THAP4: variants seen among roughly 807,000 people sequenced by gnomAD.
THAP4 encodes the protein peroxynitrite isomerase THAP4.
Under a neutral mutation model 48.1 loss-of-function variants are expected in THAP4, and 18 were observed. The ratio of observed to expected loss-of-function variants is 0.37; its 90% confidence interval spans 0.26 to 0.56. The LOEUF (loss-of-function observed/expected upper bound fraction) is 0.56, where lower values mean the gene tolerates loss of function less well. Among genes scored for constraint, THAP4 ranks in the 20% least tolerant of loss-of-function variants. The pLI is 0.78. For missense variants in THAP4, 656 were observed against 774.9 expected, an observed-to-expected ratio of 0.85 and a Z score of 1.82; for synonymous variants, 345 against 324.9, an observed-to-expected ratio of 1.06 and a Z score of -0.66.
chr2:241,597,987 A>C (rs1416258199), intron 5 of THAP4, among the ~76,000 whole-genome samples: 2 of 152,146 alleles, frequency 1.3e-5, no homozygotes, highest in Non-Finnish European at 2.9e-5. Flanking sequence ...ACAAAAAAAA[A>C]AAAACAAAAA....
chr2:241,624,032 G>A (rs2067466075), intron 2 of THAP4, among the ~76,000 whole-genome samples: 1 of 152,148 alleles, frequency 6.6e-6, no homozygotes, highest in African/African-American at 2.4e-5. Flanking sequence ...GAGGACGATG[G>A]CAAGTAGTGG....
chr2:241,637,422 G>C (rs2067695482), upstream of THAP4: 1 of 1,461,186 alleles, frequency 6.8e-7, no homozygotes, highest in Admixed American at 2.2e-5. Context: ...AACTGCTCCT[G>C]GGTCCTCTAA....
chr2:241,617,909 C>T (rs962203485), intron 2 of THAP4, among the ~76,000 whole-genome samples: 4 of 152,176 alleles, frequency 2.6e-5, no homozygotes, highest in Admixed American at 6.5e-5. Flanking sequence ...TCCTGGCAAG[C>T]GGCCCGGGAA....
chr2:241,584,781 A>G (rs570395506), intron 5 of THAP4, 56 bp from the exon 6 acceptor site: 17 of 1,609,158 alleles, frequency 1.1e-5, no homozygotes, highest in Non-Finnish European at 1.4e-5. Context: ...AGATTCAATC[A>G]ATGCCTGTGC....
intron 2 of THAP4, among the ~76,000 whole-genome samples, chr2:241,627,012 C>G (rs2067502344): frequency 6.6e-6 from 1 of 152,204 alleles, no homozygotes; most frequent in South Asian, 2.1e-4. Context: ...TCTCCAAACT[C>G]TTCAGCTTCC....
At chr2:241,611,981 C>A (rs758115855) in intron 2 of THAP4, among the ~76,000 whole-genome samples, 2 of 152,112 alleles carry the variant, frequency 1.3e-5, no homozygotes, top group East Asian at 1.9e-4. Flanking sequence ...CGGTTCACTG[C>A]GGCCTAGACC....
At position 241,633,639 on chromosome 2, in the gene THAP4, C is replaced by T. The variant is rs775668991; in HGVS notation, c.518G>A (p.Arg173Gln). The change falls in exon 2 of 6, where the codon CGG becomes CAG. Residue 173 changes from arginine to glutamine, a missense_variant. Around this residue, in one of 4 missense-constraint regions of THAP4, gnomAD observed 391 missense variants for 412.4 expected, o/e 0.95. Transcript: ENST00000407315. The surrounding 1 kb of genome is among the most constrained non-coding windows in gnomAD (Gnocchi z 7.5). ...SQEQAQQALE[R>Q]TPGDGLATMV... ...GGTGGCCAGTCCATCTCCTGGAGTC[C>T]GTTCCAGAGCTTGCTGGGCCTGCTC... 5.6e-5 allele frequency: 90 copies of T among 1,612,634 alleles called. No individual in the cohort carries two copies. Among genetic ancestry groups the T allele is most frequent in the Admixed American group, 1.5e-4 (9 of 59,994 alleles).
intron 3 of THAP4, 25 bp downstream of exon 3, chr2:241,606,289 G>T: frequency 6.5e-7 from 1 of 1,538,378 alleles, no homozygotes; most frequent in Non-Finnish European, 8.8e-7. Context: ...AGTCAAGCAG[G>T]GTGGGGTGGA....
chr2:241,595,793 G>A (rs1306463020), intron 5 of THAP4, among the ~76,000 whole-genome samples: 1 of 152,172 alleles, frequency 6.6e-6, no homozygotes, highest in Admixed American at 6.5e-5. Flanking sequence ...CCAGCAGAGG[G>A]TGACATGAGA....
intron 2 of THAP4, among the ~76,000 whole-genome samples, chr2:241,627,148 T>C (rs537016420): frequency 6.6e-6 from 1 of 152,356 alleles, no homozygotes; most frequent in African/African-American, 2.4e-5. Context: ...AGTGTGGGTA[T>C]GTGTGTCTCA....
chr2:241,619,841 G>T (rs1575033715), intron 2 of THAP4, among the ~76,000 whole-genome samples: 1 of 94,082 alleles, frequency 1.1e-5, no homozygotes, highest in African/African-American at 3.8e-5. Flanking sequence ...CGTGAGTGAG[G>T]GGTGAGTGAG....
Position 241,634,083 on chromosome 2 carries a change from C to A in THAP4, c.78-4G>T. ...TTTTGAGTCCTTTAGGGGGAACCTA[C>A]AGGACAAATGACAAAAAGTAATTAG... On this transcript the variant is annotated splice_polypyrimidine_tract_variant and splice_region_variant and intron_variant, in intron 1 of 5. Transcript: ENST00000407315. 6.5e-7 allele frequency: 1 copy of A among 1,536,208 alleles called. No homozygotes were observed. The highest frequency in any genetic ancestry group is 8.8e-7 in the Non-Finnish European group (1 of 1,141,702).
chr2:241,606,416 A>G lies in THAP4; in HGVS notation c.1298T>C (p.Leu433Pro). ...EPLSWMLGTW[L>P]SDPPGAGTYP... ...GGTCCCGGCTCCAGGTGGGTCCGAC[A>G]GCCAGGTGCCCAGCATCCAGGACAG... Residue 433 changes from leucine to proline, a missense_variant, in exon 3 of 6, where the codon CTG becomes CCG. Around this residue, in one of 4 missense-constraint regions of THAP4, gnomAD observed 176 missense variants for 256.7 expected, o/e 0.69. Transcript: ENST00000407315. The G allele has an allele frequency of 6.2e-7, 1 of 1,607,782 alleles. No individual in the cohort carries two copies. Among genetic ancestry groups the G allele is most frequent in the Non-Finnish European group, 8.5e-7 (1 of 1,177,154 alleles).
chr2:241,599,626 A>G (rs1382936106), intron 5 of THAP4, among the ~76,000 whole-genome samples: 1 of 152,198 alleles, frequency 6.6e-6, no homozygotes, highest in Non-Finnish European at 1.5e-5. Context: ...TAAAATACAC[A>G]AAACATGACC....
chr2:241,599,298 AGT>A (rs1419672579), intron 5 of THAP4, among the ~76,000 whole-genome samples: 2 of 152,046 alleles, frequency 1.3e-5, no homozygotes, highest in Non-Finnish European at 2.9e-5. Context: ...AGTAATCTAC[AGT>A]GAGCATCTTA....
intron 2 of THAP4, 113 bp downstream of exon 2, chr2:241,632,804 A>C: frequency 2.6e-6 from 2 of 781,236 alleles, no homozygotes; most frequent in Non-Finnish European, 4.0e-6. Flanking sequence ...TCCTCCTGAG[A>C]GCGCAGGGAG....
chr2:241,621,530 T>C (rs185495742), intron 2 of THAP4, among the ~76,000 whole-genome samples: 2 of 151,900 alleles, frequency 1.3e-5, no homozygotes, highest in East Asian at 1.9e-4. Context: ...GGCTCATCAA[T>C]AGGATGGATA....
intron 5 of THAP4, among the ~76,000 whole-genome samples, chr2:241,586,848 C>T (rs2066901809): frequency 6.6e-6 from 1 of 152,150 alleles, no homozygotes; most frequent in Non-Finnish European, 1.5e-5. Context: ...ATAAGGGACA[C>T]ATTGAAAATT....
At chr2:241,631,033 C>T (rs981127243) in intron 2 of THAP4, among the ~76,000 whole-genome samples, 3 of 151,948 alleles carry the variant, frequency 2.0e-5, no homozygotes, top group African/African-American at 7.3e-5. Flanking sequence ...ACTCCAACCT[C>T]GGCAACAGAG....
Sources: allele counts gnomAD v4.1 joint callset (sites outside exome capture counted in the v4.1 genomes callset), GRCh38; gene constraint gnomAD v4.1.1; regional missense constraint gnomAD v4.1.1; non-coding constraint Gnocchi (gnomAD v3.1); transcripts MANE v1.5; gene names NCBI Gene and HGNC (gene_info 2026-07-23, HGNC 2026-07-21).